The following CDCA7 variants were observed in gnomAD, a reference collection of about 807,000 sequenced individuals.
The protein encoded by CDCA7 is cell division cycle associated 7.
CDCA7 carries 28 observed loss-of-function variants against 54.0 expected under a neutral mutation model. The ratio of observed to expected loss-of-function variants is 0.52; its 90% confidence interval spans 0.38 to 0.71. CDCA7 has a LOEUF of 0.71. Ranked by LOEUF, CDCA7 falls within the 30% of genes least tolerant of loss-of-function variation. The pLI is 0.00. For synonymous variants in CDCA7, 180 were observed against 208.2 expected (o/e 0.86, Z 1.16); for missense variants, 484 against 586.0 (o/e 0.83, Z 1.80).
rs372048796 is a variant in CDCA7, at chr2:173,363,858, C to T, written c.662C>T (p.Ser221Leu). ...TCTGAATTAGAAAGCTTCCCTGGCT[C>T]GTTCCGTGGAAGACATCCCCTCCCA... is the stretch of plus-strand genomic sequence containing the variant. ...LMSELESFPGSFRGRHPLPGS... is the reference protein window; with the variant it reads ...LMSELESFPGLFRGRHPLPGS... The change falls in exon 5 of 10, where the codon TCG (serine) becomes TTG (leucine). Residue 221 changes from serine to leucine, a missense_variant. Ser to Leu is a moderately radical substitution (Grantham distance 145). Around this residue, in one of 3 missense-constraint regions of CDCA7, gnomAD observed 398 missense variants for 447.4 expected, o/e 0.89. Coordinates refer to ENST00000306721, the MANE Select transcript of CDCA7 (RefSeq NM_031942.5). 9.3e-6 allele frequency: 15 copies of T among 1,614,086 alleles called. No homozygotes were observed. The highest frequency in any genetic ancestry group is 1.6e-4 in the Middle Eastern group (1 of 6,084).
Position 173,367,744 on chromosome 2 carries a change from G to C in CDCA7, c.*80G>C. ...TTCCAATTTTTTCACTGAAACCTGA[G>C]TTAAAAATCTTGATGATCAGCCTGT... On this transcript the variant is annotated 3_prime_UTR_variant, in exon 10 of 10. Transcript: ENST00000306721. 1.5e-5 allele frequency: 22 copies of C among 1,444,006 alleles called. No homozygotes were observed. Among genetic ancestry groups the C allele is most frequent in the Non-Finnish European group, 2.1e-5 (22 of 1,026,930 alleles). 89.4% of individuals were successfully genotyped at this position (1,444,006 alleles called of 1,614,324 possible).
chr2:173,358,306 T>G (rs1039698946), intron 1 of CDCA7, among the ~76,000 whole-genome samples: 1 of 151,784 alleles, frequency 6.6e-6, no homozygotes, highest in African/African-American at 2.4e-5. Context: ...GGTGGGAGGA[T>G]CACTTGAGCC....
chr2:173,364,072 G>T (rs565418589), intron 5 of CDCA7, 177 bp downstream of exon 5: 3 of 552,452 alleles, frequency 5.4e-6, no homozygotes, highest in South Asian at 5.3e-5. Flanking sequence ...TGGGCAGTTT[G>T]GTCTCTCCTT....
chr2:173,355,427 C>G (rs904391181), intron 1 of CDCA7, among the ~76,000 whole-genome samples: 87 of 152,350 alleles, frequency 5.7e-4, no homozygotes, highest in Admixed American at 5.2e-4. Flanking sequence ...TATACCCGCG[C>G]TCAGTGGGTG....
intron 3 of CDCA7, among the ~76,000 whole-genome samples, chr2:173,362,060 G>A (rs1328570274): frequency 2.0e-5 from 3 of 152,154 alleles, no homozygotes; most frequent in East Asian, 1.9e-4. Flanking sequence ...CAGGTGATCC[G>A]CCTGCCCCGG....
Position 173,368,159 on chromosome 2 carries a change from T to C in CDCA7, c.*495T>C, listed in dbSNP as rs979982914. 6.4e-5 allele frequency: 10 copies of C among 156,666 alleles called. No homozygotes were observed. The highest frequency in any genetic ancestry group is 3.7e-4 in the Admixed American group (6 of 16,008). 9.7% of individuals were successfully genotyped at this position (156,666 alleles called of 1,614,324 possible). A position where few individuals can be genotyped will look rare whatever the true frequency, so the allele number is the denominator to read the frequency against. ...TTTTAATAGAATCAAGGCACAAAAG[T>C]CTTAAAACCATGTGGAAAAATTAGG... On this transcript the variant is annotated 3_prime_UTR_variant, in exon 10 of 10. Coordinates refer to ENST00000306721, the MANE Select transcript of CDCA7 (RefSeq NM_031942.5).
At chr2:173,358,463 C>T (rs1296731614) in intron 1 of CDCA7, 2 of 274,664 alleles carry the variant, frequency 7.3e-6, no homozygotes, top group East Asian at 1.5e-4. Context: ...TCAGGAGTTC[C>T]AGGTTGTAGT....
intron 1 of CDCA7, among the ~76,000 whole-genome samples, chr2:173,358,041 A>C (rs908830624): frequency 6.6e-6 from 1 of 152,128 alleles, no homozygotes; most frequent in East Asian, 1.9e-4. Flanking sequence ...TCTACTAAAA[A>C]TACAAAAAAT....
intron 5 of CDCA7, 24 bp downstream of exon 5, chr2:173,363,919 T>G (rs745764428): frequency 1.2e-6 from 2 of 1,604,108 alleles, no homozygotes; most frequent in Admixed American, 3.3e-5. Context: ...CTTGTTTATA[T>G]ACAGTAGTGT....
Position 173,354,919 on chromosome 2 carries a change from C to A in CDCA7, c.-45C>A. ...TGGGACCGCTGACCGCGCGGCTGCT[C>A]CGCTCTCCCCGCTCCAAGCGCCGAT... is the stretch of plus-strand genomic sequence containing the variant. On this transcript the variant is annotated 5_prime_UTR_variant, in exon 1 of 10. Coordinates refer to ENST00000306721, the MANE Select transcript of CDCA7 (RefSeq NM_031942.5). The A allele has an allele frequency of 6.8e-7, 1 of 1,477,710 alleles. No homozygotes were observed. The highest frequency in any genetic ancestry group is 1.3e-5 in the South Asian group (1 of 78,104). The allele number at this position is 1,477,710 out of a possible 1,614,324, so 91.5% of individuals were successfully genotyped here. A position where few individuals can be genotyped will look rare whatever the true frequency, so the allele number is the denominator to read the frequency against.
intron 5 of CDCA7, 104 bp downstream of exon 5, chr2:173,363,999 G>C (rs1308093393): frequency 1.4e-5 from 15 of 1,078,970 alleles, no homozygotes; most frequent in Non-Finnish European, 1.9e-5. Flanking sequence ...TGGCCTTCTA[G>C]ACAAACGAAG....
Position 173,359,444 on chromosome 2 carries a change from G to C in CDCA7, c.337G>C (p.Asp113His). The change falls in exon 3 of 10, where the codon GAT becomes CAT. Residue 113 changes from aspartate (D) to histidine (H), a missense_variant. By Grantham distance (81) the Asp-to-His change is moderately conservative. Coordinates refer to ENST00000306721, the MANE Select transcript of CDCA7 (RefSeq NM_031942.5). The part of the protein sequence containing the change: ...LAGIFHADSD[D>H]ESFCGFSESE... ...CGGTATTTTTCATGCCGACTCTGAC[G>C]ATGAATCATTTTGCGGTTTCTCAGA... 1 of 1,614,140 alleles carries C rather than the reference G, an allele frequency of 6.2e-7. No individual in the cohort carries two copies. Among genetic ancestry groups the C allele is most frequent in the Non-Finnish European group, 8.5e-7 (1 of 1,180,032 alleles).
rs147182727 is a variant in CDCA7, at chr2:173,358,312, G to A, written c.22-400G>A. ...GGAGGCTCCGGTGGGAGGATCACTTGAGCCCAGGAGTTTGAGACCAACCTG... is the reference window on the plus strand; with the variant it reads ...GGAGGCTCCGGTGGGAGGATCACTTAAGCCCAGGAGTTTGAGACCAACCTG... On this transcript the variant is annotated intron_variant, in intron 1 of 9. Coordinates refer to ENST00000306721, the MANE Select transcript of CDCA7 (RefSeq NM_031942.5). Among the ~76,000 whole-genome samples, 20 of 152,054 alleles carry A rather than the reference G, an allele frequency of 1.3e-4. 1 individual carries two copies. Among genetic ancestry groups the A allele is most frequent in the African/African-American group, 4.6e-4 (19 of 41,464 alleles).
At position 173,355,929 on chromosome 2, in the gene CDCA7, C is replaced by T. The variant is rs1019960041; in HGVS notation, c.21+945C>T. 1.3e-4 allele frequency among the ~76,000 whole-genome samples: 20 copies of T among 152,168 alleles called. No individual in the cohort carries two copies. In the Middle Eastern group the frequency reaches 0.01, roughly 78 times the overall value. On this transcript the variant is annotated intron_variant, in intron 1 of 9. Coordinates refer to ENST00000306721, the MANE Select transcript of CDCA7 (RefSeq NM_031942.5). ...CCGGTGGAGCTGGGCATTGGCTTTC[C>T]GGATGAAGAAAACCATGTGTAGCTG...
chr2:173,365,048 C>T, intron 6 of CDCA7, 59 bp downstream of exon 6: 3 of 1,502,020 alleles, frequency 2.0e-6, no homozygotes, highest in Admixed American at 4.8e-5. Flanking sequence ...GGCCTGGCAT[C>T]ATACACAGCA....
intron 3 of CDCA7, among the ~76,000 whole-genome samples, chr2:173,362,231 G>A (rs1162926403): frequency 6.6e-6 from 1 of 152,196 alleles, no homozygotes; most frequent in Non-Finnish European, 1.5e-5. Context: ...ACTTCTAAAA[G>A]TAGATTAGAG....
chr2:173,355,531 C>G (rs1361830676), intron 1 of CDCA7, among the ~76,000 whole-genome samples: 1 of 152,246 alleles, frequency 6.6e-6, no homozygotes, highest in Non-Finnish European at 1.5e-5. Context: ...GCGAACCGGT[C>G]TCCTAGAACT....
In CDCA7 at chr2:173,358,835, A is replaced by G; in HGVS notation, c.145A>G (p.Thr49Ala). The G allele has an allele frequency of 1.9e-6, 3 of 1,612,996 alleles. No individual in the cohort carries two copies. The highest frequency in any genetic ancestry group is 2.5e-6 in the Non-Finnish European group (3 of 1,179,326). The change falls in exon 2 of 10, where the codon ACG becomes GCG. Residue 49 changes from threonine to alanine, a missense_variant and splice_region_variant. Physicochemically the swap from Thr to Ala is moderately conservative, Grantham distance 58. Around this residue, in one of 3 missense-constraint regions of CDCA7, gnomAD observed 398 missense variants for 447.4 expected, o/e 0.89. Coordinates refer to ENST00000306721, the MANE Select transcript of CDCA7 (RefSeq NM_031942.5). Reference sequence around the variant, plus strand: ...CTTTGCTTCTGATAATTTTGCAAACACGGTAAGTGCTGCCTGAGAATAAAC... The same window carrying G: ...CTTTGCTTCTGATAATTTTGCAAACGCGGTAAGTGCTGCCTGAGAATAAAC... The part of the protein sequence containing the change: ...DSFASDNFAN[T>A]KPKFRSDISE...
At chr2:173,365,046 A>T (rs1294676417) in intron 6 of CDCA7, 57 bp downstream of exon 6, 2 of 1,506,220 alleles carry the variant, frequency 1.3e-6, no homozygotes, top group African/African-American at 2.8e-5. Flanking sequence ...TAGGCCTGGC[A>T]TCATACACAG....
Sources: gnomAD v4.1 joint callset for allele counts (sites outside exome capture counted in the v4.1 genomes callset) on GRCh38, gnomAD v4.1.1 for gene constraint, gnomAD v4.1.1 regional missense constraint, MANE v1.5 for transcripts, NCBI Gene and HGNC (gene_info 2026-07-23, HGNC 2026-07-21) for gene names.